The following ZMYND8 variants were observed in gnomAD, a reference collection of about 807,000 sequenced individuals.
ZMYND8 encodes the protein MYND-type zinc finger-containing chromatin reader ZMYND8.
A neutral mutation model predicts 140.8 loss-of-function variants in ZMYND8; 37 were observed. The ratio of observed to expected loss-of-function variants is 0.26; its 90% CI spans 0.20 to 0.35. The LOEUF (loss-of-function observed/expected upper bound fraction) is 0.35. Ranked by LOEUF, ZMYND8 falls within the 10% of genes least tolerant of loss-of-function variation. ZMYND8 has a pLI of 1.00. For missense variants in ZMYND8, 1,068 were observed against 1,570.0 expected (o/e 0.68, Z 5.40); for synonymous variants, 592 against 597.1 (o/e 0.99, Z 0.12).
chr20:47,291,963 G>C, intron 5 of ZMYND8, 75 bp from the exon 6 acceptor site: 1 of 1,329,700 alleles, frequency 7.5e-7, no homozygotes, highest in Non-Finnish European at 1.0e-6. Flanking sequence ...CTAACAAAAG[G>C]CTTGAAAAAT....
chr20:47,294,076 A>C (rs2077477831), intron 5 of ZMYND8, among the ~76,000 whole-genome samples: 1 of 152,058 alleles, frequency 6.6e-6, no homozygotes, highest in Non-Finnish European at 1.5e-5. Context: ...GGCGAGCCAC[A>C]GTGGCTCATG....
intron 13 of ZMYND8, 142 bp from the exon 14 acceptor site, chr20:47,246,659 G>T: frequency 8.1e-7 from 1 of 1,237,302 alleles, no homozygotes; most frequent in Non-Finnish European, 1.1e-6. Context: ...AATGGGGCCA[G>T]TAATAATCTC....
intron 5 of ZMYND8, among the ~76,000 whole-genome samples, chr20:47,293,964 T>C (rs768855075): frequency 7.2e-5 from 11 of 152,178 alleles, no homozygotes; most frequent in Non-Finnish European, 1.5e-5. Context: ...CCTGCTGCCA[T>C]GTAAAACGTG....
chr20:47,268,496 T>G (rs947223202), intron 11 of ZMYND8, among the ~76,000 whole-genome samples: 3 of 151,366 alleles, frequency 2.0e-5, no homozygotes, highest in African/African-American at 7.3e-5. Flanking sequence ...TGTTTCACCA[T>G]GTTAGCCAGG....
At chr20:47,326,234 A>G (rs2080403874) in intron 2 of ZMYND8, among the ~76,000 whole-genome samples, 1 of 152,136 alleles carries the variant, frequency 6.6e-6, no homozygotes, top group Admixed American at 6.5e-5. Flanking sequence ...ATGGGATTAC[A>G]GGCATGAGCC....
At chr20:47,277,729 G>A (rs2076344919) in intron 10 of ZMYND8, among the ~76,000 whole-genome samples, 1 of 151,910 alleles carries the variant, frequency 6.6e-6, no homozygotes, top group Non-Finnish European at 1.5e-5. Context: ...AGAGCACAGT[G>A]GCATGATCTC....
intron 16 of ZMYND8, among the ~76,000 whole-genome samples, chr20:47,234,050 CT>C (rs1291589827): frequency 6.6e-6 from 1 of 152,212 alleles, no homozygotes; most frequent in Non-Finnish European, 1.5e-5. Context: ...CCAGCAGGCT[CT>C]CTCCATTGCT....
intron 14 of ZMYND8, among the ~76,000 whole-genome samples, chr20:47,245,372 G>T (rs907147152): frequency 6.6e-6 from 1 of 151,984 alleles, no homozygotes. Flanking sequence ...TCCGCCTCAC[G>T]AGTAGCTGGG....
intron 2 of ZMYND8, among the ~76,000 whole-genome samples, chr20:47,330,561 T>C (rs897345186): frequency 3.9e-5 from 6 of 152,052 alleles, no homozygotes; most frequent in African/African-American, 1.4e-4. Context: ...ATCTGACTTG[T>C]GTTTTAGAAG....
intron 14 of ZMYND8, among the ~76,000 whole-genome samples, chr20:47,241,115 G>C (rs1353326081): frequency 6.6e-6 from 1 of 151,798 alleles, no homozygotes; most frequent in African/African-American, 2.4e-5. Flanking sequence ...CCAACATGGT[G>C]AAACCCCATC....
At chr20:47,270,724 GAAAGAA>G (rs2075877247) in intron 11 of ZMYND8, among the ~76,000 whole-genome samples, 1 of 138,376 alleles carries the variant, frequency 7.2e-6, no homozygotes, top group Admixed American at 7.3e-5. Context: ...AAAAAAGAAA[GAAAGAA>G]AAAGAAAAAG....
chr20:47,265,592 C>T (rs2075463132), intron 11 of ZMYND8, among the ~76,000 whole-genome samples: 1 of 152,162 alleles, frequency 6.6e-6, no homozygotes, highest in Admixed American at 6.5e-5. Context: ...AGGTATGTGC[C>T]ACCATGCCCA....
chr20:47,344,900 G>C (rs1029444710), intron 2 of ZMYND8, among the ~76,000 whole-genome samples: 2 of 152,100 alleles, frequency 1.3e-5, no homozygotes, highest in African/African-American at 2.4e-5. Context: ...ATCACTTGAG[G>C]CCAAGGGTTT....
chr20:47,274,582 G>A (rs143390481), intron 11 of ZMYND8, among the ~76,000 whole-genome samples: 194 of 152,282 alleles, frequency 1.3e-3, no homozygotes, highest in African/African-American at 4.5e-3. Context: ...AAGGACTCTG[G>A]TCAGAAACAA....
intron 21 of ZMYND8, 86 bp downstream of exon 21, chr20:47,220,172 C>T: frequency 8.9e-7 from 1 of 1,119,402 alleles, no homozygotes; most frequent in Non-Finnish European, 1.3e-6. Flanking sequence ...TTGGAATAAA[C>T]CCTTCAAATT....
chr20:47,287,369 T>A, intron 7 of ZMYND8, 85 bp from the exon 8 acceptor site: 1 of 1,154,238 alleles, frequency 8.7e-7, no homozygotes, highest in Non-Finnish European at 1.3e-6. Flanking sequence ...AACAATGTGT[T>A]TACTTGCTTT....
intron 14 of ZMYND8, 137 bp from the exon 15 acceptor site, chr20:47,239,275 C>T (rs971784879): frequency 2.5e-5 from 30 of 1,195,104 alleles, no homozygotes; most frequent in African/African-American, 3.0e-5. Flanking sequence ...GCCAAGCACA[C>T]CGCGCTGGAG....
chr20:47,318,594 G>A, intron 2 of ZMYND8: 1 of 388,322 alleles, frequency 2.6e-6, no homozygotes, highest in Non-Finnish European at 5.1e-6. Context: ...GGAGGAACTT[G>A]TAAATGAAAA....
At chr20:47,355,483 C>T in intron 1 of ZMYND8, 9 of 985,366 alleles carry the variant, frequency 9.1e-6, no homozygotes, top group Non-Finnish European at 1.1e-5. Flanking sequence ...CTCATTTTTC[C>T]ACAGTTAGGA....
Sources: allele counts gnomAD v4.1 joint callset (sites outside exome capture counted in the v4.1 genomes callset), GRCh38; gene constraint gnomAD v4.1.1; transcripts MANE v1.5; gene names NCBI Gene and HGNC (gene_info 2026-07-23, HGNC 2026-07-21).